Variants in ENTREP2 observed in about 807,000 individuals in gnomAD.
The protein encoded by ENTREP2 is protein ENTREP2.
chr15:29,129,627 C>A, the ENTREP2 span, among the ~76,000 whole-genome samples: 11 of 152,218 alleles, frequency 7.2e-5, no homozygotes, highest in Non-Finnish European at 1.2e-4. Flanking sequence ...GGATTATAGG[C>A]ATGAGCTACC....
chr15:29,164,126 G>A, the ENTREP2 span, among the ~76,000 whole-genome samples: 8 of 152,244 alleles, frequency 5.3e-5, no homozygotes, highest in South Asian at 4.1e-4. Flanking sequence ...GAGAGAATTC[G>A]TCACTAACAA....
At chr15:29,510,238 G>A in the ENTREP2 span, among the ~76,000 whole-genome samples, 1 of 152,160 alleles carries the variant, frequency 6.6e-6, no homozygotes, top group African/African-American at 2.4e-5. Flanking sequence ...TCATTAAAAA[G>A]TCAGGAAACA....
At chr15:29,618,718 G>C in the ENTREP2 span, among the ~76,000 whole-genome samples, 1 of 147,886 alleles carries the variant, frequency 6.8e-6, no homozygotes, top group African/African-American at 2.6e-5. Context: ...AGGCTGCCCT[G>C]ATGGGTGGTG....
chr15:29,482,338 C>T, the ENTREP2 span, among the ~76,000 whole-genome samples: 1 of 152,078 alleles, frequency 6.6e-6, no homozygotes, highest in Non-Finnish European at 1.5e-5. Context: ...AATGAACCTA[C>T]ACACTGACAC....
the ENTREP2 span, among the ~76,000 whole-genome samples, chr15:29,604,175 A>G: frequency 6.6e-6 from 1 of 152,232 alleles, no homozygotes; most frequent in Non-Finnish European, 1.5e-5. Flanking sequence ...AGAAATACCG[A>G]TAATGAATAA....
At chr15:29,598,138 A>G in the ENTREP2 span, among the ~76,000 whole-genome samples, 1 of 151,912 alleles carries the variant, frequency 6.6e-6, no homozygotes, top group Non-Finnish European at 1.5e-5. Flanking sequence ...AAAAAGAAAA[A>G]GACTAGGTTT....
the ENTREP2 span, chr15:29,267,280 A>C: frequency 6.6e-6 from 1 of 152,178 alleles, no homozygotes; most frequent in African/African-American, 2.4e-5. Flanking sequence ...CCTCCCCCTA[A>C]AACAATTAAC....
the ENTREP2 span, among the ~76,000 whole-genome samples, chr15:29,348,313 A>G: frequency 6.6e-6 from 1 of 151,662 alleles, no homozygotes; most frequent in East Asian, 1.9e-4. Context: ...TAAGTGGGGG[A>G]AATGGAAACA....
the ENTREP2 span, among the ~76,000 whole-genome samples, chr15:29,366,983 G>T: frequency 6.6e-6 from 1 of 152,160 alleles, no homozygotes; most frequent in Non-Finnish European, 1.5e-5. Flanking sequence ...TTTGGAGAGA[G>T]ATGACATCAG....
the ENTREP2 span, among the ~76,000 whole-genome samples, chr15:29,616,991 C>T: frequency 2.6e-5 from 4 of 152,054 alleles, no homozygotes; most frequent in South Asian, 4.2e-4. Flanking sequence ...ACCTGGGAGG[C>T]GGAGGTTGCA....
the ENTREP2 span, among the ~76,000 whole-genome samples, chr15:29,307,012 T>C: frequency 6.6e-6 from 1 of 152,158 alleles, no homozygotes; most frequent in Non-Finnish European, 1.5e-5. Context: ...CCTCCCAAAA[T>C]GCTGGGATTA....
chr15:29,207,611 A>G, the ENTREP2 span, among the ~76,000 whole-genome samples: 1 of 152,026 alleles, frequency 6.6e-6, no homozygotes, highest in South Asian at 2.1e-4. Context: ...AGTGCATTTT[A>G]CAGAGCGCTG....
the ENTREP2 span, among the ~76,000 whole-genome samples, chr15:29,552,409 G>A: frequency 6.6e-6 from 1 of 152,018 alleles, no homozygotes; most frequent in Non-Finnish European, 1.5e-5. Context: ...CAAAGCACCA[G>A]AAGGGAAACA....
the ENTREP2 span, among the ~76,000 whole-genome samples, chr15:29,478,762 G>C: frequency 1.3e-5 from 2 of 150,992 alleles, no homozygotes; most frequent in Non-Finnish European, 2.9e-5. Context: ...AAAATTAGCT[G>C]GGCGTGGTGG....
chr15:29,634,197 G>C, the ENTREP2 span, among the ~76,000 whole-genome samples: 1 of 152,054 alleles, frequency 6.6e-6, no homozygotes, highest in African/African-American at 2.4e-5. Flanking sequence ...CCTAAGGTTC[G>C]GTGTGCAGGA....
the ENTREP2 span, among the ~76,000 whole-genome samples, chr15:29,639,525 C>T: frequency 9.2e-5 from 14 of 152,150 alleles, no homozygotes; most frequent in Admixed American, 3.3e-4. Context: ...CATAGACTTA[C>T]GGGAGGCAGC....
At chr15:29,337,385 G>A in the ENTREP2 span, among the ~76,000 whole-genome samples, 8 of 152,290 alleles carry the variant, frequency 5.3e-5, no homozygotes, top group African/African-American at 1.9e-4. Flanking sequence ...GGAGGGAAGC[G>A]GAGTCAGGGA....
At chr15:29,144,417 C>G in the ENTREP2 span, among the ~76,000 whole-genome samples, 1 of 152,154 alleles carries the variant, frequency 6.6e-6, no homozygotes, top group Non-Finnish European at 1.5e-5. Flanking sequence ...GATGGCTTCA[C>G]TGGTGAACTC....
the ENTREP2 span, among the ~76,000 whole-genome samples, chr15:29,512,622 G>A: frequency 6.6e-6 from 1 of 152,188 alleles, no homozygotes; most frequent in East Asian, 1.9e-4. Context: ...AGAGCTTTCT[G>A]TCTCCACCAT....
Sources: gnomAD v4.1 joint callset for allele counts (sites outside exome capture counted in the v4.1 genomes callset) on GRCh38, gnomAD v4.1.1 for gene constraint, MANE v1.5 for transcripts, NCBI Gene and HGNC (gene_info 2026-07-23, HGNC 2026-07-21) for gene names.